Variants in CCSER1 observed in about 807,000 individuals in gnomAD.
CCSER1 encodes the protein serine-rich coiled-coil domain-containing protein 1.
In CCSER1, 41 loss-of-function variants were observed where a neutral mutation model predicts 82.0. That is an observed-to-expected ratio of 0.50 (90% CI 0.39 to 0.65). CCSER1 has a LOEUF of 0.65. Ranked by LOEUF, CCSER1 falls within the 30% of genes least tolerant of loss-of-function variation. CCSER1 has a pLI of 0.00. For synonymous variants in CCSER1, 414 were observed against 383.9 expected (o/e 1.08, Z -0.92); for missense variants, 1,119 against 1,064.2 (o/e 1.05, Z -0.72).
At chr4:90,535,286 G>A (rs1327217454) in intron 5 of CCSER1, among the ~76,000 whole-genome samples, 1 of 151,856 alleles carries the variant, frequency 6.6e-6, no homozygotes, top group Non-Finnish European at 1.5e-5. Context: ...GTTAGTATAG[G>A]CATTAGACAT....
At chr4:90,606,757 C>G (rs1038146162) in intron 5 of CCSER1, among the ~76,000 whole-genome samples, 3 of 152,088 alleles carry the variant, frequency 2.0e-5, no homozygotes, top group African/African-American at 7.2e-5. Context: ...TAATAATGAT[C>G]AGTGGTATAT....
chr4:90,856,116 T>C (rs1237088923), intron 8 of CCSER1, among the ~76,000 whole-genome samples: 1 of 152,156 alleles, frequency 6.6e-6, no homozygotes, highest in Non-Finnish European at 1.5e-5. Context: ...AATTTGGTTA[T>C]TCCCCCCATC....
chr4:90,998,431 C>CA (rs200065540), intron 9 of CCSER1, among the ~76,000 whole-genome samples: 3,001 of 151,300 alleles, frequency 0.02, 108 homozygotes, highest in Admixed American at 0.095. Context: ...CCCCTCTCAA[C>CA]AAAAAAAAAT....
intron 9 of CCSER1, among the ~76,000 whole-genome samples, chr4:91,075,780 T>C (rs1721930620): frequency 6.6e-6 from 1 of 152,212 alleles, no homozygotes; most frequent in Non-Finnish European, 1.5e-5. Context: ...ATACTTATTT[T>C]GAAAGTATCC....
intron 3 of CCSER1, chr4:90,325,676 C>T (rs985730402): frequency 4.5e-6 from 2 of 446,696 alleles, no homozygotes; most frequent in Non-Finnish European, 9.1e-6. Flanking sequence ...AACTAACTAC[C>T]TGTTCTGAGG....
chr4:91,124,618 C>T (rs1727350980), intron 10 of CCSER1, among the ~76,000 whole-genome samples: 1 of 151,636 alleles, frequency 6.6e-6, no homozygotes, highest in African/African-American at 2.4e-5. Flanking sequence ...ATGAATGTAC[C>T]TGTTTTAGTT....
At chr4:90,228,842 G>A (rs1363139316) in intron 1 of CCSER1, among the ~76,000 whole-genome samples, 2 of 152,296 alleles carry the variant, frequency 1.3e-5, no homozygotes, top group Non-Finnish European at 1.5e-5. Flanking sequence ...CTCAGGAGCC[G>A]ATGCGATCAA....
chr4:90,233,998 T>G (rs1745242872), intron 1 of CCSER1, among the ~76,000 whole-genome samples: 2 of 152,152 alleles, frequency 1.3e-5, no homozygotes, highest in African/African-American at 4.8e-5. Context: ...AAGGTTACTT[T>G]TAAAAATAAA....
chr4:90,386,484 A>C (rs1192100877), intron 3 of CCSER1, among the ~76,000 whole-genome samples: 1 of 152,128 alleles, frequency 6.6e-6, no homozygotes, highest in Non-Finnish European at 1.5e-5. Flanking sequence ...CACTCACTAT[A>C]CAGAAATTAA....
chr4:91,289,360 TAAAAG>T lies in CCSER1; in HGVS notation c.2217+203369_2217+203373del, dbSNP rs1423269627. 5.9e-5 allele frequency among the ~76,000 whole-genome samples: 9 copies of T among 152,118 alleles called. No homozygotes were observed. The East Asian group carries it at 1.4e-3, about 23-fold the overall frequency. On this transcript the variant is annotated intron_variant, in intron 10 of 10. Coordinates refer to ENST00000509176, the MANE Select transcript of CCSER1 (RefSeq NM_001145065.2). ...GAGAAAGCAAAGCACTGCCTAGTGA[TAAAAG>T]AATCAACAGAATCAGATTCAGATAT...
chr4:91,146,086 A>G (rs1353936628), intron 10 of CCSER1, among the ~76,000 whole-genome samples: 1 of 152,144 alleles, frequency 6.6e-6, no homozygotes, highest in African/African-American at 2.4e-5. Context: ...GTCTCTCTGT[A>G]CAATCACATA....
intron 9 of CCSER1, among the ~76,000 whole-genome samples, chr4:91,025,728 C>A (rs890242972): frequency 2.6e-5 from 4 of 152,226 alleles, no homozygotes; most frequent in African/African-American, 9.6e-5. Flanking sequence ...TTTCTCTGTG[C>A]CACACTGTTG....
intron 1 of CCSER1, among the ~76,000 whole-genome samples, chr4:90,217,952 C>T (rs1298608896): frequency 9.2e-5 from 14 of 151,946 alleles, no homozygotes; most frequent in African/African-American, 7.3e-5. Context: ...CACACCACCA[C>T]ATCTGGCAAA....
intron 10 of CCSER1, among the ~76,000 whole-genome samples, chr4:91,367,317 C>CAAA (rs557952182): frequency 1.3e-5 from 1 of 75,030 alleles, no homozygotes; most frequent in African/African-American, 6.0e-5. Flanking sequence ...ATCCTGTCTC[C>CAAA]AAAAAAAAAA....
chr4:90,301,753 T>A (rs896072419), intron 1 of CCSER1, among the ~76,000 whole-genome samples: 2 of 152,124 alleles, frequency 1.3e-5, no homozygotes, highest in African/African-American at 4.8e-5. Flanking sequence ...TGAGAAAAGA[T>A]GTTTATTTTA....
intron 9 of CCSER1, among the ~76,000 whole-genome samples, chr4:90,933,002 A>AAGAAAGAAAGAAAG (rs1730296458): frequency 2.6e-5 from 2 of 78,374 alleles, no homozygotes; most frequent in South Asian, 3.1e-4. Context: ...GAAAGAAAGA[A>AAGAAAGAAAGAAAG]AGAAAGAAAG....
intron 8 of CCSER1, among the ~76,000 whole-genome samples, chr4:90,853,333 A>C (rs1421338396): frequency 6.6e-6 from 1 of 152,158 alleles, no homozygotes; most frequent in Non-Finnish European, 1.5e-5. Context: ...AAATAAAAAC[A>C]AAAATCTTTG....
At chr4:90,639,799 T>G (rs1407580453) in intron 6 of CCSER1, among the ~76,000 whole-genome samples, 1 of 152,088 alleles carries the variant, frequency 6.6e-6, no homozygotes, top group Admixed American at 6.6e-5. Context: ...TATTTCAACA[T>G]GCAAATGTAT....
intron 8 of CCSER1, among the ~76,000 whole-genome samples, chr4:90,848,802 G>A (rs2149914911): frequency 6.6e-6 from 1 of 152,258 alleles, no homozygotes; most frequent in African/African-American, 2.4e-5. Context: ...GTGTTAGTGA[G>A]TTCTCACGAG....
Sources: gnomAD v4.1 joint callset for allele counts (sites outside exome capture counted in the v4.1 genomes callset) on GRCh38, gnomAD v4.1.1 for gene constraint, MANE v1.5 for transcripts, NCBI Gene and HGNC (gene_info 2026-07-23, HGNC 2026-07-21) for gene names.